The following KIF26B variants were observed in gnomAD, a reference collection of about 807,000 sequenced individuals.
The protein encoded by KIF26B is kinesin family member 26B.
Under a neutral mutation model 151.2 loss-of-function variants are expected in KIF26B, and 63 were observed. That is an observed-to-expected ratio of 0.42 (90% CI 0.34 to 0.51). The LOEUF is 0.51. Ranked by LOEUF, KIF26B falls within the 20% of genes least tolerant of loss-of-function variation. The probability of loss-of-function intolerance (pLI) is 0.07; values close to 1 mark genes in which losing one functional copy is unlikely to be tolerated. For missense variants in KIF26B, 2,813 were observed against 2,913.6 expected (o/e 0.97, Z 0.79); for synonymous variants, 1,357 against 1,262.1 (o/e 1.08, Z -1.59).
At chr1:245,535,762 G>A (rs551540743) in intron 4 of KIF26B, among the ~76,000 whole-genome samples, 12 of 152,072 alleles carry the variant, frequency 7.9e-5, no homozygotes, top group Non-Finnish European at 1.0e-4. Flanking sequence ...GATACAATAC[G>A]GTACAATACA....
At chr1:245,180,298 G>GAGAC (rs1668884064) in intron 2 of KIF26B, among the ~76,000 whole-genome samples, 1 of 147,390 alleles carries the variant, frequency 6.8e-6, no homozygotes, top group Non-Finnish European at 1.5e-5. Context: ...GTAGCAGAGA[G>GAGAC]AGAGAGAGAG....
At chr1:245,228,991 G>A (rs539351136) in intron 2 of KIF26B, among the ~76,000 whole-genome samples, 1 of 152,188 alleles carries the variant, frequency 6.6e-6, no homozygotes, top group South Asian at 2.1e-4. Context: ...TTTTGAGACA[G>A]GGTCTCGTTC....
chr1:245,385,133 A>T (rs1292039037), intron 3 of KIF26B, among the ~76,000 whole-genome samples: 1 of 152,250 alleles, frequency 6.6e-6, no homozygotes, highest in Admixed American at 6.5e-5. Context: ...AGTGAAAATA[A>T]GTTCATTCTG....
At chr1:245,418,305 G>A (rs1272105993) in intron 3 of KIF26B, among the ~76,000 whole-genome samples, 1 of 152,198 alleles carries the variant, frequency 6.6e-6, no homozygotes, top group East Asian at 1.9e-4. Flanking sequence ...TCCAGTTTCT[G>A]TCACTTGGGT....
chr1:245,655,607 A>G (rs969273238), intron 10 of KIF26B, among the ~76,000 whole-genome samples: 5 of 152,216 alleles, frequency 3.3e-5, no homozygotes, highest in South Asian at 2.1e-4. Flanking sequence ...AAACAGTCCA[A>G]TGGGCCTGAG....
In KIF26B at chr1:245,688,527, G is replaced by A. The variant is rs1293287534; in HGVS notation, c.5544G>A (p.Pro1848=). The A allele has an allele frequency of 7.9e-6, 12 of 1,528,432 alleles. No homozygotes were observed. The highest frequency in any genetic ancestry group is 9.6e-6 in the Non-Finnish European group (11 of 1,141,638). 94.7% of individuals were successfully genotyped at this position (1,528,432 alleles called of 1,614,324 possible). A position where few individuals can be genotyped will look rare whatever the true frequency, so the allele number is the denominator to read the frequency against. The change falls in exon 12 of 15, where the codon CCG becomes CCA. Residue 1848 remains proline (P), a synonymous_variant. Transcript: ENST00000407071. ...EDEPAAAHLL[P]SPYSKITPPR... ...AGCCCGCGGCCGCGCACCTGCTCCC[G>A]TCGCCCTACAGCAAGATCACGCCCC... is the stretch of plus-strand genomic sequence containing the variant.
intron 4 of KIF26B, among the ~76,000 whole-genome samples, chr1:245,482,646 G>T (rs1447619804): frequency 6.6e-6 from 1 of 151,722 alleles, no homozygotes; most frequent in Non-Finnish European, 1.5e-5. Context: ...GGTAGGAGAG[G>T]GTTGGGAAGG....
chr1:245,318,237 CAAAACA>C lies in KIF26B; in HGVS notation c.466-48594_466-48589del, dbSNP rs1671816804. Among the ~76,000 whole-genome samples, 1 of 152,062 alleles carries C rather than the reference CAAAACA, an allele frequency of 6.6e-6. No individual in the cohort carries two copies. The highest frequency in any genetic ancestry group is 1.5e-5 in the Non-Finnish European group (1 of 68,012). On this transcript the variant is annotated intron_variant, in intron 2 of 14. Coordinates refer to ENST00000407071, the MANE Select transcript of KIF26B (RefSeq NM_018012.4). The surrounding 1 kb of genome is among the most constrained non-coding windows in gnomAD (Gnocchi z 4.0). The stretch of plus-strand genomic sequence containing the variant: ...ACACAACAGACAGGGCACTGTAAGA[CAAAACA>C]AATCAATCAGTCAACGTCAACTCTT...
At chr1:245,605,296 A>T (rs1397710388) in intron 6 of KIF26B, among the ~76,000 whole-genome samples, 1 of 152,218 alleles carries the variant, frequency 6.6e-6, no homozygotes, top group Admixed American at 6.5e-5. Flanking sequence ...GCTGCTGGCC[A>T]GGGCAAACTC....
At chr1:245,184,050 G>T (rs11587045) in intron 2 of KIF26B, among the ~76,000 whole-genome samples, 1,830 of 19,794 alleles carry the variant, frequency 0.092, 195 homozygotes, top group Middle Eastern at 0.1. Context: ...GGGAGTTGTT[G>T]TTTTTTTTTT....
chr1:245,444,386 C>T (rs1480580412), intron 4 of KIF26B, among the ~76,000 whole-genome samples: 1 of 152,222 alleles, frequency 6.6e-6, no homozygotes, highest in African/African-American at 2.4e-5. Flanking sequence ...TGAAGGAGCA[C>T]ACAGAAGGGG....
chr1:245,565,184 T>C (rs562868611), intron 5 of KIF26B, among the ~76,000 whole-genome samples: 2 of 152,168 alleles, frequency 1.3e-5, no homozygotes, highest in Non-Finnish European at 2.9e-5. Context: ...GAATTTACTA[T>C]GGTGATATTT....
At position 245,459,298 on chromosome 1, in the gene KIF26B, A is replaced by G. The variant is rs538929216; in HGVS notation, c.1166+39553A>G. ...GAAAAACACAAAATGAAGCAGTCTAATCACTACTGTTTCTGGTAGGTCCAG... is the reference window on the plus strand; with the variant it reads ...GAAAAACACAAAATGAAGCAGTCTAGTCACTACTGTTTCTGGTAGGTCCAG... On this transcript the variant is annotated intron_variant, in intron 4 of 14. Transcript: ENST00000407071. Among the ~76,000 whole-genome samples, 8 of 152,278 alleles carry G rather than the reference A, an allele frequency of 5.3e-5. No individual in the cohort carries two copies. The South Asian group carries it at 1.5e-3, about 28-fold the overall frequency.
chr1:245,328,045 A>C (rs1042069676), intron 2 of KIF26B, among the ~76,000 whole-genome samples: 3 of 152,088 alleles, frequency 2.0e-5, no homozygotes, highest in South Asian at 2.1e-4. Flanking sequence ...AGAGGGGACT[A>C]TCTGAGTCCT....
intron 2 of KIF26B, among the ~76,000 whole-genome samples, chr1:245,342,487 G>T (rs1278131994): frequency 6.6e-6 from 1 of 152,186 alleles, no homozygotes; most frequent in Non-Finnish European, 1.5e-5. Context: ...ACCCACCGGT[G>T]GCTCCTCCGT....
chr1:245,467,275 A>G (rs1415956798), intron 4 of KIF26B, among the ~76,000 whole-genome samples: 2 of 152,222 alleles, frequency 1.3e-5, no homozygotes, highest in Non-Finnish European at 2.9e-5. Context: ...TGGCACCAAG[A>G]TGATGCGAGC....
intron 2 of KIF26B, among the ~76,000 whole-genome samples, chr1:245,287,492 C>T (rs1276867091): frequency 9.5e-5 from 13 of 136,548 alleles, no homozygotes; most frequent in Admixed American, 3.0e-4. Context: ...TCTCATCTCT[C>T]TCTCTCTTTT....
intron 2 of KIF26B, among the ~76,000 whole-genome samples, chr1:245,221,851 T>C (rs974487454): frequency 2.0e-5 from 3 of 152,248 alleles, no homozygotes; most frequent in African/African-American, 7.2e-5. Flanking sequence ...CTTTAAAGTA[T>C]AGAGAAGTCA....
chr1:245,231,947 G>A (rs1305615630), intron 2 of KIF26B, among the ~76,000 whole-genome samples: 1 of 152,200 alleles, frequency 6.6e-6, no homozygotes, highest in Non-Finnish European at 1.5e-5. Context: ...AGGGACTACT[G>A]TCCTAACAAC....
Sources: gnomAD v4.1 joint callset for allele counts (sites outside exome capture counted in the v4.1 genomes callset) on GRCh38, gnomAD v4.1.1 for gene constraint, Gnocchi (gnomAD v3.1) non-coding constraint, MANE v1.5 for transcripts, NCBI Gene and HGNC (gene_info 2026-07-23, HGNC 2026-07-21) for gene names.